Variants in IL21R observed in about 807,000 individuals in gnomAD.
IL21R encodes interleukin 21 receptor, also known as interleukin-21 receptor.
A neutral mutation model predicts 41.3 loss-of-function variants in IL21R; 14 were observed. The observed-to-expected ratio is 0.34, with a 90% CI of 0.22 to 0.53. The LOEUF (loss-of-function observed/expected upper bound fraction) is 0.53, where lower values mean the gene tolerates loss of function less well. Ranked by LOEUF, IL21R falls within the 20% of genes least tolerant of loss-of-function variation. The pLI is 0.94. For missense variants in IL21R, 588 were observed against 681.6 expected, an observed-to-expected ratio of 0.86 and a Z score of 1.53; for synonymous variants, 286 against 287.6, an observed-to-expected ratio of 0.99 and a Z score of 0.05.
At chr16:27,416,948 G>A (rs1309244891) in intron 1 of IL21R, among the ~76,000 whole-genome samples, 1 of 152,128 alleles carries the variant, frequency 6.6e-6, no homozygotes, top group Admixed American at 6.5e-5. Flanking sequence ...GCACGTATCA[G>A]TAGTTCATTC....
chr16:27,406,282 G>T (rs1375591812), intron 1 of IL21R, among the ~76,000 whole-genome samples: 1 of 152,252 alleles, frequency 6.6e-6, no homozygotes, highest in East Asian at 1.9e-4. Context: ...CTGGGCTGGA[G>T]GAAATGGAGC....
chr16:27,403,204 G>A lies in IL21R; in HGVS notation c.-17+586G>A, dbSNP rs765957530. 83 of 1,341,650 alleles carry A rather than the reference G, an allele frequency of 6.2e-5. 1 individual carries two copies. The Admixed American group carries it at 6.7e-4, about 11-fold the overall frequency. 83.1% of individuals were successfully genotyped at this position (1,341,650 alleles called of 1,614,324 possible). A position where few individuals can be genotyped will look rare whatever the true frequency, so the allele number is the denominator to read the frequency against. ...TCGCTGCATCTTTCTCATGAAGCAC[G>A]GGGAACGGGTCGGATGGTAAGAGGC... On this transcript the variant is annotated intron_variant, in intron 1 of 8. Transcript: ENST00000337929.
intron 1 of IL21R, among the ~76,000 whole-genome samples, chr16:27,423,729 A>T (rs2087032794): frequency 6.6e-6 from 1 of 152,290 alleles, no homozygotes; most frequent in South Asian, 2.1e-4. Flanking sequence ...GAGTGACAGT[A>T]TTGCGATTTA....
intron 1 of IL21R, among the ~76,000 whole-genome samples, chr16:27,422,185 T>C (rs547975063): frequency 6.6e-6 from 1 of 152,220 alleles, no homozygotes; most frequent in South Asian, 2.1e-4. Context: ...GAAGGTGAAG[T>C]GTCTTTTTTT....
chr16:27,429,583 G>A (rs2087133608), intron 1 of IL21R, among the ~76,000 whole-genome samples: 1 of 151,854 alleles, frequency 6.6e-6, no homozygotes, highest in Non-Finnish European at 1.5e-5. Context: ...ACCAGCCTGG[G>A]CAACATAGCA....
chr16:27,444,672 C>T lies in IL21R; in HGVS notation c.638C>T (p.Thr213Ile). ...GPMPGSSYQG[T>I]WSEWSDPVIF... ...ATGCCTGGCTCCTCCTACCAGGGGA[C>T]CTGGAGTGAATGGAGTGACCCGGTC... is the stretch of plus-strand genomic sequence containing the variant. Residue 213 changes from threonine (T) to isoleucine (I), a missense_variant, in exon 6 of 9, where the codon ACC (threonine) becomes ATC (isoleucine). Coordinates refer to ENST00000337929, the MANE Select transcript of IL21R (RefSeq NM_181078.3). The T allele has an allele frequency of 6.4e-7, 1 of 1,564,126 alleles. No individual in the cohort carries two copies. The highest frequency in any genetic ancestry group is 8.7e-7 in the Non-Finnish European group (1 of 1,155,742).
intron 1 of IL21R, among the ~76,000 whole-genome samples, chr16:27,422,117 CT>C (rs1415817793): frequency 1.3e-5 from 2 of 152,022 alleles, no homozygotes; most frequent in African/African-American, 2.4e-5. Flanking sequence ...GTTCCATTGT[CT>C]GCTGTCTTCC....
intron 4 of IL21R, among the ~76,000 whole-genome samples, chr16:27,440,656 A>G (rs1371333819): frequency 6.6e-6 from 1 of 152,184 alleles, no homozygotes; most frequent in African/African-American, 2.4e-5. Context: ...CCTGGAGGAC[A>G]AAACCTCTGC....
intron 1 of IL21R, among the ~76,000 whole-genome samples, chr16:27,403,528 C>A (rs1251973551): frequency 3.3e-5 from 5 of 152,156 alleles, no homozygotes; most frequent in Non-Finnish European, 1.5e-5. Flanking sequence ...CGGCCACGCG[C>A]CTTCCTCACT....
intron 2 of IL21R, among the ~76,000 whole-genome samples, chr16:27,433,596 A>G (rs1229433082): frequency 6.6e-6 from 1 of 152,246 alleles, no homozygotes; most frequent in Non-Finnish European, 1.5e-5. Context: ...AATGTAGATG[A>G]TGATTGCACC....
intron 1 of IL21R, chr16:27,403,297 G>A: frequency 7.8e-7 from 1 of 1,277,280 alleles, no homozygotes; most frequent in South Asian, 1.3e-5. Context: ...AGCCTTGAAG[G>A]ATGGGAAAGG....
chr16:27,444,948 C>T (rs1282100906), intron 6 of IL21R, among the ~76,000 whole-genome samples: 1 of 152,156 alleles, frequency 6.6e-6, no homozygotes, highest in Non-Finnish European at 1.5e-5. Context: ...TGGGAATCAG[C>T]CCTGTTTTTC....
chr16:27,433,131 C>T (rs1596584833), intron 2 of IL21R, among the ~76,000 whole-genome samples: 1 of 152,086 alleles, frequency 6.6e-6, no homozygotes, highest in Non-Finnish European at 1.5e-5. Context: ...TTCATTAGTC[C>T]AGGGAAAATA....
rs570238706 is a variant in IL21R at position 27,446,661 on chromosome 16, G to A, written c.867+573G>A. On this transcript the variant is annotated intron_variant, in intron 8 of 8. Transcript: ENST00000337929. ...TTGGCCCAGCCCAAGGAACCAGACT[G>A]GGATAGGGGGTGAGGCTGGTGGTCT... 1.6e-4 allele frequency among the ~76,000 whole-genome samples: 25 copies of A among 152,272 alleles called. 1 individual carries two copies. In the South Asian group the frequency reaches 2.7e-3, roughly 16 times the overall value.
intron 2 of IL21R, among the ~76,000 whole-genome samples, chr16:27,430,385 TG>T (rs2087150470): frequency 6.6e-6 from 1 of 152,202 alleles, no homozygotes; most frequent in East Asian, 1.9e-4. Context: ...CGGGTGTCAC[TG>T]GGGGGATGAA....
intron 1 of IL21R, among the ~76,000 whole-genome samples, chr16:27,412,651 C>T (rs1374737903): frequency 1.3e-5 from 2 of 152,034 alleles, no homozygotes; most frequent in Non-Finnish European, 2.9e-5. Flanking sequence ...TATCTGTGTT[C>T]TTTAATTTCC....
At chr16:27,430,790 G>A (rs1246854296) in intron 2 of IL21R, among the ~76,000 whole-genome samples, 1 of 152,204 alleles carries the variant, frequency 6.6e-6, no homozygotes, top group Non-Finnish European at 1.5e-5. Context: ...TCCAGCCTGG[G>A]CAACAGAGCG....
intron 4 of IL21R, among the ~76,000 whole-genome samples, chr16:27,440,242 T>TAGAGAGAG (rs1329486965): frequency 4.0e-4 from 35 of 87,026 alleles, no homozygotes; most frequent in African/African-American, 7.1e-4. Flanking sequence ...TATATATATA[T>TAGAGAGAG]ATATATAGAG....
intron 1 of IL21R, among the ~76,000 whole-genome samples, chr16:27,413,245 T>A (rs2086846558): frequency 6.6e-6 from 1 of 152,162 alleles, no homozygotes; most frequent in Non-Finnish European, 1.5e-5. Context: ...TCCTTCTTTG[T>A]GTTAATTTCA....
Sources: gnomAD v4.1 joint callset for allele counts (sites outside exome capture counted in the v4.1 genomes callset) on GRCh38, gnomAD v4.1.1 for gene constraint, MANE v1.5 for transcripts, NCBI Gene and HGNC (gene_info 2026-07-23, HGNC 2026-07-21) for gene names.